The following ATP13A3 variants were observed in gnomAD, a reference collection of about 807,000 sequenced individuals.
The protein encoded by ATP13A3 is polyamine-transporting ATPase 13A3.
In ATP13A3, 59 loss-of-function variants were observed where a neutral mutation model predicts 158.1. The observed-to-expected ratio is 0.37, with a 90% confidence interval of 0.30 to 0.46. The LOEUF (loss-of-function observed/expected upper bound fraction) is 0.46. Among genes scored for constraint, ATP13A3 ranks in the 20% least tolerant of loss-of-function variants. ATP13A3 has a pLI of 1.00. For missense variants in ATP13A3, 1,166 were observed against 1,525.2 expected, an observed-to-expected ratio of 0.76 and a Z score of 3.92; for synonymous variants, 491 against 504.3, an observed-to-expected ratio of 0.97 and a Z score of 0.35.
chr3:194,472,708 C>T (rs1422832896), intron 2 of ATP13A3, among the ~76,000 whole-genome samples: 1 of 152,168 alleles, frequency 6.6e-6, no homozygotes, highest in Non-Finnish European at 1.5e-5. Context: ...ATATGTTCAT[C>T]ACAGCACTAT....
intron 20 of ATP13A3, among the ~76,000 whole-genome samples, chr3:194,434,745 C>T (rs1346567943): frequency 6.6e-6 from 1 of 151,928 alleles, no homozygotes; most frequent in African/African-American, 2.4e-5. Context: ...AGTGAGACCC[C>T]GTCTCTACAA....
chr3:194,437,629 A>G (rs533700121), intron 17 of ATP13A3, 56 bp from the exon 18 acceptor site: 1 of 1,466,098 alleles, frequency 6.8e-7, no homozygotes, highest in South Asian at 1.3e-5. Context: ...TTAACACACT[A>G]AAGTTAGAAA....
Position 194,430,268 on chromosome 3 carries a change from C to T in ATP13A3, c.2667+5G>A. ...ATAAAACTAAATCACAAAAACTATA[C>T]TTACACCACAATCATTTGCGCCATC... is the stretch of plus-strand genomic sequence containing the variant. On this transcript the variant is annotated splice_donor_5th_base_variant and intron_variant, in intron 25 of 33. Transcript: ENST00000645319. 6.2e-7 allele frequency: 1 copy of T among 1,613,742 alleles called. No individual in the cohort carries two copies. The highest frequency in any genetic ancestry group is 8.5e-7 in the Non-Finnish European group (1 of 1,179,766).
At chr3:194,431,280 A>G in intron 22 of ATP13A3, 54 bp from the exon 23 acceptor site, 1 of 1,518,302 alleles carries the variant, frequency 6.6e-7, no homozygotes, top group African/African-American at 1.4e-5. Context: ...CAAGTAAAAC[A>G]ATTCTATTTT....
chr3:194,467,933 CA>C (rs1720091516), intron 2 of ATP13A3: 1 of 152,094 alleles, frequency 6.6e-6, no homozygotes, highest in South Asian at 2.1e-4. Flanking sequence ...TTAACCAAGT[CA>C]AATTCGATAT....
intron 20 of ATP13A3, among the ~76,000 whole-genome samples, chr3:194,436,106 A>T (rs1296177735): frequency 1.3e-5 from 2 of 152,160 alleles, no homozygotes; most frequent in African/African-American, 4.8e-5. Flanking sequence ...GTATCACATA[A>T]TTTGGGTAGA....
intron 28 of ATP13A3, among the ~76,000 whole-genome samples, chr3:194,427,824 C>G (rs948527004): frequency 6.6e-6 from 1 of 152,004 alleles, no homozygotes; most frequent in Admixed American, 6.6e-5. Context: ...CTTCCTCTTA[C>G]GATATTCACA....
Position 194,449,608 on chromosome 3 carries a change from C to T in ATP13A3, c.970+537G>A, listed in dbSNP as rs901002061. 4.6e-5 allele frequency among the ~76,000 whole-genome samples: 7 copies of T among 151,576 alleles called. No individual in the cohort carries two copies. In the East Asian group the frequency reaches 5.8e-4, roughly 13 times the overall value. ...CATAAGAGCTGCTTGAACCTGGGAG[C>T]GGAGGCTGCAGTGAGCCAAGATCGC... On this transcript the variant is annotated intron_variant, in intron 11 of 33. Coordinates refer to ENST00000645319, the MANE Select transcript of ATP13A3 (RefSeq NM_001367549.1).
At chr3:194,458,119 A>G (rs1719369975) in intron 6 of ATP13A3, among the ~76,000 whole-genome samples, 1 of 152,140 alleles carries the variant, frequency 6.6e-6, no homozygotes, top group Admixed American at 6.5e-5. Flanking sequence ...GATACCAGCT[A>G]TAACTCTAAA....
At chr3:194,434,027 G>C in intron 20 of ATP13A3, 131 bp from the exon 21 acceptor site, 2 of 982,710 alleles carry the variant, frequency 2.0e-6, no homozygotes, top group Non-Finnish European at 2.9e-6. Context: ...ATCTATAAAT[G>C]AAAACATTTT....
At chr3:194,442,895 A>G (rs1718145726) in intron 15 of ATP13A3, among the ~76,000 whole-genome samples, 1 of 152,240 alleles carries the variant, frequency 6.6e-6, no homozygotes, top group South Asian at 2.1e-4. Context: ...GAGAAATGAA[A>G]TAACAGCTTC....
chr3:194,454,733 G>A (rs1485804607), intron 8 of ATP13A3, among the ~76,000 whole-genome samples: 1 of 151,844 alleles, frequency 6.6e-6, no homozygotes, highest in African/African-American at 2.4e-5. Flanking sequence ...GGAGGCCGAA[G>A]CAGGAGAATG....
At chr3:194,414,116 A>T (rs1715637337) in intron 31 of ATP13A3, among the ~76,000 whole-genome samples, 1 of 152,174 alleles carries the variant, frequency 6.6e-6, no homozygotes, top group Non-Finnish European at 1.5e-5. Flanking sequence ...ATGCTCTACT[A>T]GATCATGAAT....
chr3:194,435,559 G>A (rs888524824), intron 20 of ATP13A3, among the ~76,000 whole-genome samples: 6 of 152,134 alleles, frequency 3.9e-5, no homozygotes, highest in African/African-American at 1.4e-4. Context: ...GGTATCCTCA[G>A]CACAAGGAAC....
At chr3:194,457,295 C>G (rs73071150) in intron 6 of ATP13A3, 121 bp from the exon 7 acceptor site, 1 of 645,368 alleles carries the variant, frequency 1.5e-6, no homozygotes, top group Admixed American at 3.0e-5. Flanking sequence ...CCTTAGAAAC[C>G]CTTAACAAAA....
chr3:194,426,198 T>C (rs1279503324), intron 29 of ATP13A3, among the ~76,000 whole-genome samples: 2 of 152,228 alleles, frequency 1.3e-5, no homozygotes, highest in East Asian at 3.8e-4. Flanking sequence ...CTTTTTTTTT[T>C]GCATGTGCAG....
intron 7 of ATP13A3, among the ~76,000 whole-genome samples, chr3:194,456,269 T>C (rs1324156129): frequency 6.6e-6 from 1 of 151,824 alleles, no homozygotes; most frequent in Non-Finnish European, 1.5e-5. Context: ...ACACTAGATC[T>C]TAACAATTTT....
At chr3:194,429,579 AATTACTAATGG>A in intron 27 of ATP13A3, 88 bp downstream of exon 27, 1 of 808,760 alleles carries the variant, frequency 1.2e-6, no homozygotes, top group South Asian at 2.3e-5. Flanking sequence ...TCACAGAAAC[AATTACTAATGG>A]ATGCATTCAA....
chr3:194,481,797 A>T (rs187445453), intron 2 of ATP13A3, among the ~76,000 whole-genome samples: 5 of 152,338 alleles, frequency 3.3e-5, no homozygotes, highest in African/African-American at 1.2e-4. Flanking sequence ...TTTTCTGGAA[A>T]TTTAATTTCT....
Sources: gnomAD v4.1 joint callset for allele counts (sites outside exome capture counted in the v4.1 genomes callset) on GRCh38, gnomAD v4.1.1 for gene constraint, MANE v1.5 for transcripts, NCBI Gene and HGNC (gene_info 2026-07-23, HGNC 2026-07-21) for gene names.